Variants in KIRREL3 observed in about 807,000 individuals in gnomAD.
KIRREL3 encodes the protein kirre like nephrin family adhesion molecule 3.
Under a neutral mutation model 89.7 loss-of-function variants are expected in KIRREL3, and 36 were observed. That is an observed-to-expected ratio of 0.40 (90% confidence interval 0.31 to 0.53). The LOEUF is 0.53. Among genes scored for constraint, KIRREL3 ranks in the 20% least tolerant of loss-of-function variants. The pLI, the probability that KIRREL3 is intolerant of heterozygous loss-of-function variation, is 0.49. For synonymous variants in KIRREL3, 445 were observed against 441.4 expected (o/e 1.01, Z -0.10); for missense variants, 864 against 1,056.6 (o/e 0.82, Z 2.53).
chr11:126,837,698 A>G lies in KIRREL3; in HGVS notation c.55+162757T>C, dbSNP rs979102779. On this transcript the variant is annotated intron_variant, in intron 1 of 16. Coordinates refer to ENST00000525144, the MANE Select transcript of KIRREL3 (RefSeq NM_032531.4). This position sits in a 1 kb window ranked among gnomAD's most constrained non-coding sequence, Gnocchi z 4.7. ...TAAAAGTAATTTTACAAAAGATGTC[A>G]GTGGTCTGGCAACGGTACCTCAGTG... Among the ~76,000 whole-genome samples, 2 of 152,250 alleles carry G rather than the reference A, an allele frequency of 1.3e-5. No homozygotes were observed. The highest frequency in any genetic ancestry group is 4.8e-5 in the African/African-American group (2 of 41,466).
At chr11:126,825,270 A>G (rs192985149) in intron 1 of KIRREL3, among the ~76,000 whole-genome samples, 3 of 152,282 alleles carry the variant, frequency 2.0e-5, no homozygotes, top group Admixed American at 2.0e-4. Flanking sequence ...AGGAATTTTA[A>G]ACTTTGACAG....
At position 126,997,356 on chromosome 11, in the gene KIRREL3, A is replaced by T. The variant is rs1950205673; in HGVS notation, c.55+3099T>A. Among the ~76,000 whole-genome samples the T allele has an allele frequency of 6.6e-6, 1 of 152,134 alleles. No individual in the cohort carries two copies. Among genetic ancestry groups the T allele is most frequent in the African/African-American group, 2.4e-5 (1 of 41,432 alleles). ...TGACCGTCCTGACAGCTGAGGGAAG[A>T]GGCATCCACGGCAAGGGAGAAGCCC... On this transcript the variant is annotated intron_variant, in intron 1 of 16. Coordinates refer to ENST00000525144, the MANE Select transcript of KIRREL3 (RefSeq NM_032531.4). The surrounding 1 kb of genome is among the most constrained non-coding windows in gnomAD (Gnocchi z 4.3).
chr11:126,473,449 C>A lies in KIRREL3; in HGVS notation c.451G>T (p.Val151Phe), dbSNP rs372003906. ...CTGATCACAGGGCCCCCCAGGATGACGGGGTCATCAGGCGGCACTGCGGGG... is the reference window on the plus strand; with the variant it reads ...CTGATCACAGGGCCCCCCAGGATGAAGGGGTCATCAGGCGGCACTGCGGGG... ...LTVLVPPDDP[V>F]ILGGPVISLR... Residue 151 changes from valine (V) to phenylalanine (F), a missense_variant, in exon 5 of 17, where the codon GTC (valine) becomes TTC (phenylalanine). By Grantham distance (50) the Val-to-Phe change is conservative. Transcript: ENST00000525144. 1.9e-6 allele frequency: 3 copies of A among 1,559,510 alleles called. No homozygotes were observed. Among genetic ancestry groups the A allele is most frequent in the Non-Finnish European group, 2.6e-6 (3 of 1,141,806 alleles).
intron 1 of KIRREL3, among the ~76,000 whole-genome samples, chr11:126,603,339 C>T (rs10893546): frequency 0.14 from 21,955 of 152,242 alleles, 1,744 homozygotes; most frequent in East Asian, 0.2. Context: ...ATACCTCCCT[C>T]CGCTGTGATG....
chr11:126,608,852 C>A lies in KIRREL3; in HGVS notation c.56-45940G>T, dbSNP rs1943002244. ...GAGTGGAGATGGGCAATGGGGATGC[C>A]TGATGAGACCTATGTCCAGGACAGG... On this transcript the variant is annotated intron_variant, in intron 1 of 16. Transcript: ENST00000525144. This position sits in a 1 kb window ranked among gnomAD's most constrained non-coding sequence, Gnocchi z 4.9. Among the ~76,000 whole-genome samples the A allele has an allele frequency of 6.6e-6, 1 of 152,138 alleles. No individual in the cohort carries two copies. Among genetic ancestry groups the A allele is most frequent in the Non-Finnish European group, 1.5e-5 (1 of 68,024 alleles).
intron 2 of KIRREL3, among the ~76,000 whole-genome samples, chr11:126,560,366 C>A (rs572902521): frequency 6.6e-6 from 1 of 152,320 alleles, no homozygotes; most frequent in Non-Finnish European, 1.5e-5. Flanking sequence ...AGCTATTAAG[C>A]ACTCCCAAAT....
In KIRREL3 at chr11:126,484,077, C is replaced by T. The variant is rs903244581; in HGVS notation, c.434-10611G>A. Among the ~76,000 whole-genome samples the T allele has an allele frequency of 5.3e-5, 8 of 152,198 alleles. No individual in the cohort carries two copies. The highest frequency in any genetic ancestry group is 1.7e-4 in the African/African-American group (7 of 41,444). ...TGAGGGCTGGTCCTTGCCAAATTCT[C>T]TCTCTAGTACTTAGTACAGTGCCTG... On this transcript the variant is annotated intron_variant, in intron 4 of 16. Coordinates refer to ENST00000525144, the MANE Select transcript of KIRREL3 (RefSeq NM_032531.4). This position sits in a 1 kb window ranked among gnomAD's most constrained non-coding sequence, Gnocchi z 5.2.
intron 1 of KIRREL3, among the ~76,000 whole-genome samples, chr11:126,749,054 C>A (rs989371611): frequency 1.3e-5 from 2 of 152,188 alleles, no homozygotes; most frequent in African/African-American, 4.8e-5. Context: ...GTTGCGACCA[C>A]CTTCCCTGGA....
rs537953302 is a variant in KIRREL3, at chr11:126,905,522, C to T, written c.55+94933G>A. On this transcript the variant is annotated intron_variant, in intron 1 of 16. Coordinates refer to ENST00000525144, the MANE Select transcript of KIRREL3 (RefSeq NM_032531.4). This position sits in a 1 kb window ranked among gnomAD's most constrained non-coding sequence, Gnocchi z 5.0. ...AATTTGTGGCATTTACTGTTCATCGCTCAGGGGTCAGAGGGTGGGGAGAGG... is the reference window on the plus strand; with the variant it reads ...AATTTGTGGCATTTACTGTTCATCGTTCAGGGGTCAGAGGGTGGGGAGAGG... Among the ~76,000 whole-genome samples the T allele has an allele frequency of 1.8e-4, 28 of 152,220 alleles. No individual in the cohort carries two copies. Among genetic ancestry groups the T allele is most frequent in the East Asian group, 5.8e-4 (3 of 5,160 alleles).
At position 126,747,410 on chromosome 11, in the gene KIRREL3, C is replaced by T. The variant is rs1365374676; in HGVS notation, c.56-184498G>A. Among the ~76,000 whole-genome samples the T allele has an allele frequency of 2.0e-5, 3 of 152,214 alleles. No homozygotes were observed. Among genetic ancestry groups the T allele is most frequent in the African/African-American group, 4.8e-5 (2 of 41,458 alleles). On this transcript the variant is annotated intron_variant, in intron 1 of 16. Transcript: ENST00000525144. This position sits in a 1 kb window ranked among gnomAD's most constrained non-coding sequence, Gnocchi z 4.7. ...ATGCTCTTCCCCATTATGTCCTCTA[C>T]ACTCCAGTTATCCCAGACCATTTAC... is the stretch of plus-strand genomic sequence containing the variant.
At position 126,554,413 on chromosome 11, in the gene KIRREL3, T is replaced by C. The variant is rs1001788353; in HGVS notation, c.133+8422A>G. On this transcript the variant is annotated intron_variant, in intron 2 of 16. Coordinates refer to ENST00000525144, the MANE Select transcript of KIRREL3 (RefSeq NM_032531.4). ...TATATGGAGTCTTCCCAAGAGGAGG[T>C]AAACTTTCTGGGGACCAAGACAAGT... Among the ~76,000 whole-genome samples the C allele has an allele frequency of 3.9e-5, 6 of 151,986 alleles. 1 individual carries two copies. Among genetic ancestry groups the C allele is most frequent in the African/African-American group, 1.5e-4 (6 of 41,350 alleles).
At chr11:126,577,055 A>T (rs529961706) in intron 1 of KIRREL3, among the ~76,000 whole-genome samples, 72 of 152,186 alleles carry the variant, frequency 4.7e-4, no homozygotes, top group South Asian at 1.2e-3. Flanking sequence ...TGGGTGGGGG[A>T]TGGGGTGCTC....
chr11:126,920,892 G>C (rs887939546), intron 1 of KIRREL3, among the ~76,000 whole-genome samples: 2 of 152,206 alleles, frequency 1.3e-5, no homozygotes, highest in Admixed American at 1.3e-4. Context: ...TCAACACTCA[G>C]ATTGGCCCCC....
In KIRREL3 at chr11:126,808,071, G is replaced by T. The variant is rs1312655009; in HGVS notation, c.55+192384C>A. Among the ~76,000 whole-genome samples, 1 of 152,206 alleles carries T rather than the reference G, an allele frequency of 6.6e-6. No homozygotes were observed. Among genetic ancestry groups the T allele is most frequent in the African/African-American group, 2.4e-5 (1 of 41,450 alleles). On this transcript the variant is annotated intron_variant, in intron 1 of 16. Coordinates refer to ENST00000525144, the MANE Select transcript of KIRREL3 (RefSeq NM_032531.4). This position sits in a 1 kb window ranked among gnomAD's most constrained non-coding sequence, Gnocchi z 4.1. ...GTGGATTAGGAGGAAGGTGAGCAAA[G>T]ATGTTGCACTGCAAGTGGTAGATGC...
chr11:126,938,512 G>C (rs1027190945), intron 1 of KIRREL3, among the ~76,000 whole-genome samples: 1 of 152,182 alleles, frequency 6.6e-6, no homozygotes, highest in Non-Finnish European at 1.5e-5. Context: ...CATGTGTCTT[G>C]CCTGCTATGA....
Position 126,431,249 on chromosome 11 carries a change from T to C in KIRREL3, c.1696+170A>G. The C allele has an allele frequency of 1.3e-6, 2 of 1,529,484 alleles. No homozygotes were observed. The highest frequency in any genetic ancestry group is 1.8e-6 in the Non-Finnish European group (2 of 1,131,868). The allele number at this position is 1,529,484 out of a possible 1,614,324, so 94.7% of individuals were successfully genotyped here. A position where few individuals can be genotyped will look rare whatever the true frequency, so the allele number is the denominator to read the frequency against. ...GCGCCCACTCTGCCAGGCGCCATGT[T>C]GCCCAGGCTCACATACACCGATGCA... On this transcript the variant is annotated intron_variant, in intron 14 of 16. Transcript: ENST00000525144. This position sits in a 1 kb window ranked among gnomAD's most constrained non-coding sequence, Gnocchi z 7.1.
intron 1 of KIRREL3, among the ~76,000 whole-genome samples, chr11:126,804,682 CTTTAA>C (rs1470260831): frequency 2.0e-5 from 3 of 152,136 alleles, no homozygotes; most frequent in East Asian, 1.9e-4. Flanking sequence ...TACCTCCCTG[CTTTAA>C]TTTGTCACTT....
rs73030576 is a variant in KIRREL3, at chr11:126,664,526, T to A, written c.56-101614A>T. The stretch of plus-strand genomic sequence containing the variant: ...AGGTGCAGGGAAGGCATAGATCTTC[T>A]GTTGGAACTGGGGATACTGAAAGGG... On this transcript the variant is annotated intron_variant, in intron 1 of 16. Transcript: ENST00000525144. The surrounding 1 kb of genome is among the most constrained non-coding windows in gnomAD (Gnocchi z 5.4). 0.19 allele frequency among the ~76,000 whole-genome samples: 28,988 copies of A among 152,178 alleles called. 3,517 individuals are homozygous for A. The highest frequency in any genetic ancestry group is 0.44 in the South Asian group (2,127 of 4,810).
At chr11:126,757,229 C>A (rs1414864373) in intron 1 of KIRREL3, among the ~76,000 whole-genome samples, 1 of 149,960 alleles carries the variant, frequency 6.7e-6, no homozygotes, top group Non-Finnish European at 1.5e-5. Flanking sequence ...CATAAAGGCA[C>A]AATGTTTAAA....
Sources: gnomAD v4.1 joint callset for allele counts (sites outside exome capture counted in the v4.1 genomes callset) on GRCh38, gnomAD v4.1.1 for gene constraint, Gnocchi (gnomAD v3.1) non-coding constraint, MANE v1.5 for transcripts, NCBI Gene and HGNC (gene_info 2026-07-23, HGNC 2026-07-21) for gene names.